The following NPHP4 variants were observed in gnomAD, a reference collection of about 807,000 sequenced individuals.
NPHP4 encodes nephrocystin 4, also known as nephrocystin-4.
NPHP4 carries 151 observed loss-of-function variants against 155.8 expected under a neutral mutation model. The ratio of observed to expected loss-of-function variants is 0.97; its 90% CI spans 0.85 to 1.11. NPHP4 has a LOEUF of 1.11. Among genes scored for constraint, NPHP4 ranks in the 50% least tolerant of loss-of-function variants. The pLI, the probability that NPHP4 is intolerant of heterozygous loss-of-function variation, is 0.00. For missense variants in NPHP4, 1,956 were observed against 1,925.7 expected, an observed-to-expected ratio of 1.02 and a Z score of -0.29; for synonymous variants, 845 against 816.8, an observed-to-expected ratio of 1.03 and a Z score of -0.59.
At chr1:5,972,612 C>A (rs573227158) in intron 3 of NPHP4, among the ~76,000 whole-genome samples, 53 of 152,298 alleles carry the variant, frequency 3.5e-4, no homozygotes, top group African/African-American at 1.3e-3. Flanking sequence ...CCACTGGGTC[C>A]CTGCTTATGG....
Position 5,888,621 on chromosome 1 carries a change from C to T in NPHP4, c.2305-1155G>A, listed in dbSNP as rs776790064. The T allele has an allele frequency of 7.4e-6, 10 of 1,345,028 alleles. No individual in the cohort carries two copies. In the South Asian group the frequency reaches 1.2e-4, roughly 16 times the overall value. 83.3% of individuals were successfully genotyped at this position (1,345,028 alleles called of 1,614,324 possible). ...GATATGAGAAGTCTCCTTTAGGGAA[C>T]AGCCAACAAATACAAGAAACCATGT... On this transcript the variant is annotated intron_variant, in intron 17 of 29. Transcript: ENST00000378156.
intron 8 of NPHP4, 57 bp from the exon 9 acceptor site, chr1:5,947,287 C>T: frequency 5.0e-6 from 8 of 1,593,242 alleles, no homozygotes; most frequent in Non-Finnish European, 2.6e-6. Flanking sequence ...ATCCTTCCCG[C>T]ATCCACGTCG....
intron 6 of NPHP4, among the ~76,000 whole-genome samples, chr1:5,960,212 G>A (rs1327923118): frequency 6.6e-6 from 1 of 152,174 alleles, no homozygotes; most frequent in Non-Finnish European, 1.5e-5. Context: ...ATAGCTCAGT[G>A]AGCAGGACAG....
intron 12 of NPHP4, among the ~76,000 whole-genome samples, chr1:5,907,765 T>G (rs1338265738): frequency 1.3e-5 from 2 of 152,200 alleles, no homozygotes; most frequent in East Asian, 3.8e-4. Context: ...AGCTAACCTC[T>G]TTTTGCCTCA....
At chr1:5,868,526 G>T (rs113181698) in intron 23 of NPHP4, among the ~76,000 whole-genome samples, 6 of 150,910 alleles carry the variant, frequency 4.0e-5, no homozygotes, top group African/African-American at 1.5e-4. Context: ...TCACACACAC[G>T]CACCCACACA....
At chr1:5,952,107 G>C (rs1349902082) in intron 7 of NPHP4, among the ~76,000 whole-genome samples, 1 of 152,208 alleles carries the variant, frequency 6.6e-6, no homozygotes, top group Admixed American at 6.5e-5. Context: ...AGCAGGGAGT[G>C]TGAACAGGCT....
intron 18 of NPHP4, among the ~76,000 whole-genome samples, chr1:5,885,769 G>A (rs1345064421): frequency 3.9e-5 from 6 of 152,216 alleles, no homozygotes; most frequent in East Asian, 3.8e-4. Context: ...GCAGAGAGAC[G>A]CCTACTGTAC....
Position 5,863,183 on chromosome 1 carries a change from G to A in NPHP4, c.*82C>T, listed in dbSNP as rs962738004. 1 of 1,417,622 alleles carries A rather than the reference G, an allele frequency of 7.1e-7. No individual in the cohort carries two copies. The highest frequency in any genetic ancestry group is 9.8e-7 in the Non-Finnish European group (1 of 1,025,552). 87.8% of individuals were successfully genotyped at this position (1,417,622 alleles called of 1,614,324 possible). On this transcript the variant is annotated 3_prime_UTR_variant, in exon 30 of 30. Coordinates refer to ENST00000378156, the MANE Select transcript of NPHP4 (RefSeq NM_015102.5). ...CACTGAAGTGAAAGGCTGCAGAGAGGCGGGGAGGACAGCCTGCAGGGCAGG... is the reference window on the plus strand; with the variant it reads ...CACTGAAGTGAAAGGCTGCAGAGAGACGGGGAGGACAGCCTGCAGGGCAGG...
chr1:5,877,222 C>A lies in NPHP4; in HGVS notation c.2688G>T (p.Arg896=), dbSNP rs1421932012. 12 of 1,607,884 alleles carry A rather than the reference C, an allele frequency of 7.5e-6. No homozygotes were observed. The highest frequency in any genetic ancestry group is 1.0e-5 in the Non-Finnish European group (12 of 1,176,644). The change falls in exon 20 of 30, where the codon CGG becomes CGT. Residue 896 remains arginine, a synonymous_variant. Transcript: ENST00000378156. Reference sequence around the variant, plus strand: ...TGACGTCCTGGGGCCCCTTGCCCTGCCGGGCATGGGTCAGTAGCATGGCAG... The same window carrying A: ...TGACGTCCTGGGGCCCCTTGCCCTGACGGGCATGGGTCAGTAGCATGGCAG... ...ELAAMLLTHA[R]QGKGPQDVSR...
chr1:5,921,848 A>G (rs1645754803), intron 11 of NPHP4, among the ~76,000 whole-genome samples: 1 of 152,230 alleles, frequency 6.6e-6, no homozygotes, highest in Non-Finnish European at 1.5e-5. Context: ...ACTGAATTTT[A>G]TATTTTCCAT....
intron 11 of NPHP4, 91 bp downstream of exon 11, chr1:5,927,558 T>G: frequency 7.5e-7 from 1 of 1,327,236 alleles, no homozygotes. Flanking sequence ...AATGTGGTGA[T>G]TACCGTACTA....
In NPHP4 at chr1:5,944,544, A is replaced by G. The variant is rs1416838951; in HGVS notation, c.1119+2560T>C. On this transcript the variant is annotated intron_variant, in intron 9 of 29. Transcript: ENST00000378156. The surrounding 1 kb of genome is among the most constrained non-coding windows in gnomAD (Gnocchi z 4.3). Reference sequence around the variant, plus strand: ...CCACTTCCAATGGTTCCGCACAGGAAGCAATTTTTGTGTGGAAGGTCATTT... The same window carrying G: ...CCACTTCCAATGGTTCCGCACAGGAGGCAATTTTTGTGTGGAAGGTCATTT... Among the ~76,000 whole-genome samples, 3 of 152,232 alleles carry G rather than the reference A, an allele frequency of 2.0e-5. No homozygotes were observed. Among genetic ancestry groups the G allele is most frequent in the Non-Finnish European group, 1.5e-5 (1 of 68,042 alleles).
At chr1:5,922,231 A>G (rs1468185661) in intron 11 of NPHP4, among the ~76,000 whole-genome samples, 5 of 152,340 alleles carry the variant, frequency 3.3e-5, no homozygotes, top group Admixed American at 2.0e-4. Flanking sequence ...CTCCAGAAGG[A>G]GCACAGCCCC....
chr1:5,914,076 A>G (rs1031355341), intron 11 of NPHP4, among the ~76,000 whole-genome samples: 5 of 151,916 alleles, frequency 3.3e-5, no homozygotes, highest in Non-Finnish European at 7.4e-5. Flanking sequence ...CGGCCTCCCC[A>G]CCAACAACCC....
Position 5,865,201 on chromosome 1 carries a change from G to A in NPHP4, c.3717C>T (p.Ser1239=), listed in dbSNP as rs757328687. Residue 1239 remains serine (S), a synonymous_variant, in exon 27 of 30, where the codon TCC becomes TCT. Transcript: ENST00000378156. Reference sequence around the variant, plus strand: ...GGCGGGTCAGCTGGCCTGCGACGCAGGAGACATCCACGCGCTGCAGGGAGT... The same window carrying A: ...GGCGGGTCAGCTGGCCTGCGACGCAAGAGACATCCACGCGCTGCAGGGAGT... ...YLHSLQRVDV[S]CVAGQLTRLS... 1.2e-6 allele frequency: 2 copies of A among 1,611,152 alleles called. No homozygotes were observed. The highest frequency in any genetic ancestry group is 8.5e-7 in the Non-Finnish European group (1 of 1,178,450).
At chr1:5,971,575 G>A (rs988203568) in intron 3 of NPHP4, among the ~76,000 whole-genome samples, 4 of 152,092 alleles carry the variant, frequency 2.6e-5, no homozygotes, top group Admixed American at 6.5e-5. Flanking sequence ...ACAAAACTGC[G>A]AGCAACAGAG....
intron 23 of NPHP4, 156 bp from the exon 24 acceptor site, chr1:5,868,052 A>G: frequency 1.2e-6 from 1 of 829,238 alleles, no homozygotes; most frequent in Non-Finnish European, 2.0e-6. Context: ...AAAGGCAGGG[A>G]CTGAGTCTGC....
chr1:5,922,648 A>G (rs1052675083), intron 11 of NPHP4, among the ~76,000 whole-genome samples: 3 of 152,166 alleles, frequency 2.0e-5, no homozygotes, highest in Non-Finnish European at 2.9e-5. Flanking sequence ...CAGCAAGACC[A>G]TATCTCTACA....
At chr1:5,916,689 A>G (rs546303346) in intron 11 of NPHP4, among the ~76,000 whole-genome samples, 2 of 152,342 alleles carry the variant, frequency 1.3e-5, no homozygotes, top group Non-Finnish European at 2.9e-5. Context: ...AACTCAAAGC[A>G]TGGTTCCCCA....
Sources: allele counts gnomAD v4.1 joint callset (sites outside exome capture counted in the v4.1 genomes callset), GRCh38; gene constraint gnomAD v4.1.1; non-coding constraint Gnocchi (gnomAD v3.1); transcripts MANE v1.5; gene names NCBI Gene and HGNC (gene_info 2026-07-23, HGNC 2026-07-21).